The following DENND2A variants were observed in gnomAD, a reference collection of about 807,000 sequenced individuals.
DENND2A encodes DENN domain containing 2A, also known as DENN domain-containing protein 2A.
A neutral mutation model predicts 105.3 loss-of-function variants in DENND2A; 53 were observed. The observed-to-expected ratio is 0.50, with a 90% confidence interval of 0.40 to 0.63. The LOEUF is 0.63. Among genes scored for constraint, DENND2A ranks in the 30% least tolerant of loss-of-function variants. The probability of loss-of-function intolerance (pLI) is 0.00; values close to 1 mark genes in which losing one functional copy is unlikely to be tolerated. For missense variants in DENND2A, 1,138 were observed against 1,279.6 expected (o/e 0.89, Z 1.69); for synonymous variants, 522 against 508.4 (o/e 1.03, Z -0.36).
intron 12 of DENND2A, among the ~76,000 whole-genome samples, chr7:140,555,032 C>G (rs961778986): frequency 3.3e-5 from 5 of 152,106 alleles, no homozygotes; most frequent in African/African-American, 1.2e-4. Context: ...AATAAAACAC[C>G]TGGAATATTC....
intron 5 of DENND2A, among the ~76,000 whole-genome samples, chr7:140,581,108 C>T (rs1208240879): frequency 6.6e-6 from 1 of 151,828 alleles, no homozygotes; most frequent in African/African-American, 2.4e-5. Context: ...ACTAAAAATA[C>T]CCAAAAAATT....
intron 11 of DENND2A, among the ~76,000 whole-genome samples, chr7:140,556,014 T>G (rs1303881052): frequency 6.6e-6 from 1 of 152,056 alleles, no homozygotes; most frequent in Non-Finnish European, 1.5e-5. Flanking sequence ...CAATACTTTT[T>G]TTGTTTTGTT....
At chr7:140,622,736 C>T (rs1262887715) in intron 1 of DENND2A, among the ~76,000 whole-genome samples, 2 of 152,062 alleles carry the variant, frequency 1.3e-5, no homozygotes, top group African/African-American at 4.8e-5. Flanking sequence ...TCTTCTTCTT[C>T]TTCTTCTTAT....
chr7:140,553,646 C>T (rs1185674307), intron 12 of DENND2A, among the ~76,000 whole-genome samples: 3 of 152,186 alleles, frequency 2.0e-5, no homozygotes, highest in Non-Finnish European at 2.9e-5. Flanking sequence ...TCCCTGCGGC[C>T]TTCCGCAGTG....
rs200748334 is a variant in DENND2A at position 140,573,977 on chromosome 7, T to C, written c.1277A>G (p.Gln426Arg). 9.4e-5 allele frequency: 152 copies of C among 1,613,926 alleles called. No homozygotes were observed. Among genetic ancestry groups the C allele is most frequent in the Non-Finnish European group, 1.3e-4 (148 of 1,180,020 alleles). ...CTTGAAGTTCCTCCTCTCTGAATTT[T>C]GTCGGAAAAAAGCAGGTTTGGACAA... Reference protein sequence around the residue: ...QSLSKPAFFRQNSERRNFKLL... With the variant: ...QSLSKPAFFRRNSERRNFKLL... Residue 426 changes from glutamine (Q) to arginine (R), a missense_variant, in exon 6 of 20, where the codon CAA (glutamine) becomes CGA (arginine). Physicochemically the swap from Gln to Arg is conservative, Grantham distance 43. Coordinates refer to ENST00000496613, the MANE Select transcript of DENND2A (RefSeq NM_015689.5).
At chr7:140,612,366 T>G (rs1799931816) in intron 1 of DENND2A, among the ~76,000 whole-genome samples, 3 of 151,828 alleles carry the variant, frequency 2.0e-5, no homozygotes, top group African/African-American at 7.3e-5. Flanking sequence ...GGGGAAGAGG[T>G]GGAGTGAGGA....
At position 140,569,635 on chromosome 7, in the gene DENND2A, G is replaced by A. The variant is rs763736427; in HGVS notation, c.1540+10C>T. 4 of 1,583,988 alleles carry A rather than the reference G, an allele frequency of 2.5e-6. No homozygotes were observed. The highest frequency in any genetic ancestry group is 2.7e-5 in the African/African-American group (2 of 74,414). On this transcript the variant is annotated intron_variant, in intron 7 of 19. Coordinates refer to ENST00000496613, the MANE Select transcript of DENND2A (RefSeq NM_015689.5). ...TCTTGCGGGAGGAGGGCTGGTGGTG[G>A]GGGTTCTACCTTTTCCTGAGTTGCT...
Position 140,523,465 on chromosome 7 carries a change from G to C in DENND2A, c.2548-41C>G, listed in dbSNP as rs761425174. 44 of 1,580,204 alleles carry C rather than the reference G, an allele frequency of 2.8e-5. No homozygotes were observed. The highest frequency in any genetic ancestry group is 3.4e-4 in the Middle Eastern group (2 of 5,942). ...AGCAGGTGGGCTTATGGGCACGGTGGCTGCGTCTTGGCCATAGGACACACT... is the reference window on the plus strand; with the variant it reads ...AGCAGGTGGGCTTATGGGCACGGTGCCTGCGTCTTGGCCATAGGACACACT... On this transcript the variant is annotated intron_variant, in intron 16 of 19. Transcript: ENST00000496613. This position sits in a 1 kb window ranked among gnomAD's most constrained non-coding sequence, Gnocchi z 4.5.
intron 3 of DENND2A, among the ~76,000 whole-genome samples, chr7:140,594,466 C>T (rs777524537): frequency 1.3e-5 from 2 of 152,128 alleles, no homozygotes; most frequent in Non-Finnish European, 2.9e-5. Context: ...CCCGCTGGCC[C>T]GAGCGTCACT....
rs1795955148 is a variant in DENND2A, at chr7:140,523,980, G to T, written c.2548-556C>A. On this transcript the variant is annotated intron_variant, in intron 16 of 19. Transcript: ENST00000496613. This position sits in a 1 kb window ranked among gnomAD's most constrained non-coding sequence, Gnocchi z 4.5. ...AGCTACAATGGACTACAATTACCCT[G>T]TGAAAGGGCTTGGCACTGAGAGGAT... is the stretch of plus-strand genomic sequence containing the variant. Among the ~76,000 whole-genome samples, 1 of 152,170 alleles carries T rather than the reference G, an allele frequency of 6.6e-6. No individual in the cohort carries two copies. The highest frequency in any genetic ancestry group is 2.1e-4 in the South Asian group (1 of 4,830).
rs149899443 is a variant in DENND2A at position 140,526,003 on chromosome 7, C to T, written c.2506-211G>A. Among the ~76,000 whole-genome samples, 449 of 152,272 alleles carry T rather than the reference C, an allele frequency of 2.9e-3. 2 individuals carry two copies. Among genetic ancestry groups the T allele is most frequent in the African/African-American group, 0.01 (426 of 41,540 alleles). On this transcript the variant is annotated intron_variant, in intron 15 of 19. Transcript: ENST00000496613. ...CTTCCTGAGCTGCATGCTTTCAACA[C>T]CGACACCGCAGGCTGGGATGCATGT...
chr7:140,580,439 C>T (rs1178230977), intron 5 of DENND2A, among the ~76,000 whole-genome samples: 2 of 152,096 alleles, frequency 1.3e-5, no homozygotes, highest in Admixed American at 1.3e-4. Flanking sequence ...CCCATGTCAG[C>T]ATCCCGAGTA....
intron 17 of DENND2A, 69 bp from the exon 18 acceptor site, chr7:140,522,169 C>G: frequency 6.4e-7 from 1 of 1,571,638 alleles, no homozygotes; most frequent in East Asian, 2.3e-5. Context: ...TTGAGACAAG[C>G]CAATTGGTAA....
At position 140,559,724 on chromosome 7, in the gene DENND2A, C is replaced by G; in HGVS notation, c.1873G>C (p.Val625Leu). The part of the protein sequence containing the change: ...CFPDAKDWVP[V>L]QQFTSETFSF... The stretch of plus-strand genomic sequence containing the variant: ...AGCTCGTACCTGGTGAACTGCTGGA[C>G]AGGAACCCAATCCTTGGCATCGGGA... Residue 625 changes from valine to leucine, a missense_variant, in exon 10 of 20, where the codon GTC (valine) becomes CTC (leucine). Physicochemically the swap from Val to Leu is conservative, Grantham distance 32. Around this residue, in one of 2 missense-constraint regions of DENND2A, gnomAD observed 627 missense variants for 779.8 expected, o/e 0.80. Transcript: ENST00000496613. This position sits in a 1 kb window ranked among gnomAD's most constrained non-coding sequence, Gnocchi z 4.1. 6.2e-7 allele frequency: 1 copy of G among 1,614,008 alleles called. No individual in the cohort carries two copies. The highest frequency in any genetic ancestry group is 8.5e-7 in the Non-Finnish European group (1 of 1,179,886).
intron 1 of DENND2A, among the ~76,000 whole-genome samples, chr7:140,636,727 C>T (rs955882534): frequency 2.2e-5 from 3 of 138,970 alleles, no homozygotes; most frequent in Non-Finnish European, 3.0e-5. Context: ...GCCTCACTGT[C>T]GCCTAAGCTG....
chr7:140,602,265 T>C lies in DENND2A; in HGVS notation c.133A>G (p.Asn45Asp). 1 of 1,613,066 alleles carries C rather than the reference T, an allele frequency of 6.2e-7. No individual in the cohort carries two copies. Among genetic ancestry groups the C allele is most frequent in the Non-Finnish European group, 8.5e-7 (1 of 1,180,012 alleles). Reference protein sequence around the residue: ...ARARPRHKSLNIKDKISEWEG... With the variant: ...ARARPRHKSLDIKDKISEWEG... ...CATTCTGATATCTTGTCCTTTATGTTGAGGGACTTGTGCCGGGGTCTGGCT... is the reference window on the plus strand; with the variant it reads ...CATTCTGATATCTTGTCCTTTATGTCGAGGGACTTGTGCCGGGGTCTGGCT... The change falls in exon 3 of 20, where the codon AAC (asparagine) becomes GAC (aspartate). Residue 45 changes from asparagine (N) to aspartate (D), a missense_variant. Around this residue, in one of 2 missense-constraint regions of DENND2A, gnomAD observed 511 missense variants for 499.9 expected, o/e 1.02. Coordinates refer to ENST00000496613, the MANE Select transcript of DENND2A (RefSeq NM_015689.5).
intron 5 of DENND2A, among the ~76,000 whole-genome samples, chr7:140,579,785 T>A (rs1020133121): frequency 7.9e-5 from 12 of 152,120 alleles, no homozygotes; most frequent in African/African-American, 2.9e-4. Context: ...TGGGGTTACA[T>A]GCACGTTTTA....
intron 5 of DENND2A, among the ~76,000 whole-genome samples, chr7:140,577,522 C>T (rs1355118543): frequency 6.6e-6 from 1 of 151,912 alleles, no homozygotes; most frequent in Non-Finnish European, 1.5e-5. Flanking sequence ...CTCAGCCTCC[C>T]GAGTAGCTGG....
chr7:140,562,897 T>C (rs1231958510), intron 9 of DENND2A, among the ~76,000 whole-genome samples: 4 of 152,204 alleles, frequency 2.6e-5, no homozygotes, highest in Non-Finnish European at 5.9e-5. Context: ...CCATCCACGA[T>C]GACACAGATG....
Sources: gnomAD v4.1 joint callset for allele counts (sites outside exome capture counted in the v4.1 genomes callset) on GRCh38, gnomAD v4.1.1 for gene constraint, gnomAD v4.1.1 regional missense constraint, Gnocchi (gnomAD v3.1) non-coding constraint, MANE v1.5 for transcripts, NCBI Gene and HGNC (gene_info 2026-07-23, HGNC 2026-07-21) for gene names.